JPH1: variants seen among roughly 807,000 people sequenced by gnomAD.
JPH1 encodes junctophilin-1.
In JPH1, 12 loss-of-function variants were observed where a neutral mutation model predicts 53.6. The observed-to-expected ratio is 0.22, with a 90% confidence interval of 0.14 to 0.36. The LOEUF (loss-of-function observed/expected upper bound fraction) is 0.36. JPH1 is among the 10% of genes least tolerant of loss of function. JPH1 has a pLI of 1.00. For synonymous variants in JPH1, 375 were observed against 363.8 expected (o/e 1.03, Z -0.35); for missense variants, 808 against 905.5 (o/e 0.89, Z 1.38).
rs762777925 is a variant in JPH1, at chr8:74,315,574, G to A, written c.426C>T (p.Gly142=). ...TGCCGTAGGGCACGCTCTGGCGCAC[G>A]CCGTAGCCATGCCGCATGCCTCCGG... ...QWAGGMRHGY[G]VRQSVPYGMA... is the part of the protein sequence containing the mutation. The change falls in exon 2 of 6, where the codon GGC becomes GGT. Residue 142 remains glycine (G), a synonymous_variant. Coordinates refer to ENST00000342232, the MANE Select transcript of JPH1 (RefSeq NM_020647.4). The surrounding 1 kb of genome is among the most constrained non-coding windows in gnomAD (Gnocchi z 6.3). The A allele has an allele frequency of 1.9e-5, 30 of 1,604,886 alleles. No homozygotes were observed. In the East Asian group the frequency reaches 2.7e-4, roughly 14 times the overall value.
Position 74,244,868 on chromosome 8 carries a change from C to A in JPH1, c.1566G>T (p.Glu522Asp), listed in dbSNP as rs1563392925. ...KPLMSKAPTK[E>D]AGAVVPQSKY... Reference sequence around the variant, plus strand: ...TGGACTGGGGCACAACCGCTCCTGCCTCCTTCGTGGGAGCCTTTGACATCA... The same window carrying A: ...TGGACTGGGGCACAACCGCTCCTGCATCCTTCGTGGGAGCCTTTGACATCA... The change falls in exon 4 of 6, where the codon GAG becomes GAT. Residue 522 changes from glutamate to aspartate, a missense_variant. Around this residue, in one of 2 missense-constraint regions of JPH1, gnomAD observed 756 missense variants for 811.9 expected, o/e 0.93. Coordinates refer to ENST00000342232, the MANE Select transcript of JPH1 (RefSeq NM_020647.4). 6.2e-7 allele frequency: 1 copy of A among 1,614,210 alleles called. No homozygotes were observed. The highest frequency in any genetic ancestry group is 8.5e-7 in the Non-Finnish European group (1 of 1,180,044).
At chr8:74,263,920 G>A (rs1439492507) in intron 2 of JPH1, among the ~76,000 whole-genome samples, 1 of 152,098 alleles carries the variant, frequency 6.6e-6, no homozygotes, top group Non-Finnish European at 1.5e-5. Flanking sequence ...CCCGTAAGAA[G>A]AAATCAGTCT....
intron 2 of JPH1, among the ~76,000 whole-genome samples, chr8:74,291,943 A>C (rs1409555910): frequency 6.6e-6 from 1 of 152,084 alleles, no homozygotes; most frequent in Non-Finnish European, 1.5e-5. Context: ...ACCAAACACC[A>C]CATGTTCTCA....
rs1049196120 is a variant in JPH1, at chr8:74,236,619, T to A, written c.*432A>T. 9 of 147,536 alleles carry A rather than the reference T, an allele frequency of 6.1e-5. No homozygotes were observed. The highest frequency in any genetic ancestry group is 2.3e-4 in the African/African-American group (9 of 39,720). 9.1% of individuals were successfully genotyped at this position (147,536 alleles called of 1,614,324 possible). A position where few individuals can be genotyped will look rare whatever the true frequency, so the allele number is the denominator to read the frequency against. ...TTTCCCCAGCTCCCTACTAAAAACG[T>A]CAGATGGTAAAATAGTAAGGCAGCT... On this transcript the variant is annotated 3_prime_UTR_variant, in exon 6 of 6. Coordinates refer to ENST00000342232, the MANE Select transcript of JPH1 (RefSeq NM_020647.4).
chr8:74,265,932 A>G (rs747521642), intron 2 of JPH1, among the ~76,000 whole-genome samples: 10 of 151,416 alleles, frequency 6.6e-5, no homozygotes, highest in Non-Finnish European at 1.0e-4. Context: ...CACACCCATA[A>G]GGATGGCTAC....
chr8:74,313,991 G>T (rs1240658869), intron 2 of JPH1, among the ~76,000 whole-genome samples: 1 of 151,964 alleles, frequency 6.6e-6, no homozygotes, highest in African/African-American at 2.4e-5. Flanking sequence ...GCTATTAATG[G>T]TAAAACTTCA....
chr8:74,278,946 AAGAC>A (rs1304278858), intron 2 of JPH1, among the ~76,000 whole-genome samples: 1 of 151,702 alleles, frequency 6.6e-6, no homozygotes, highest in Admixed American at 6.6e-5. Flanking sequence ...ATTATGAAGC[AAGAC>A]AGACACACAC....
chr8:74,302,937 T>C (rs1807723560), intron 2 of JPH1, among the ~76,000 whole-genome samples: 1 of 145,232 alleles, frequency 6.9e-6, no homozygotes, highest in Admixed American at 6.9e-5. Flanking sequence ...TGATATTTTG[T>C]TCCAGTAGGT....
At position 74,320,470 on chromosome 8, in the gene JPH1, C is replaced by G. The variant is rs1808281432; in HGVS notation, c.379+439G>C. On this transcript the variant is annotated intron_variant, in intron 1 of 5. Coordinates refer to ENST00000342232, the MANE Select transcript of JPH1 (RefSeq NM_020647.4). This position sits in a 1 kb window ranked among gnomAD's most constrained non-coding sequence, Gnocchi z 4.4. The stretch of plus-strand genomic sequence containing the variant: ...GGGAGCGGTCAGCACGGACCGCCAA[C>G]CTCACCCGCTCAGGGTGTTCGCTCT... Among the ~76,000 whole-genome samples, 1 of 152,198 alleles carries G rather than the reference C, an allele frequency of 6.6e-6. No homozygotes were observed. The highest frequency in any genetic ancestry group is 2.4e-5 in the African/African-American group (1 of 41,456).
intron 2 of JPH1, among the ~76,000 whole-genome samples, chr8:74,278,985 G>A (rs546249713): frequency 1.1e-4 from 14 of 125,688 alleles, no homozygotes; most frequent in East Asian, 4.4e-4. Context: ...ACACGCACAC[G>A]CGCGCACACA....
chr8:74,319,114 C>G (rs1808241883), intron 1 of JPH1, among the ~76,000 whole-genome samples: 1 of 151,630 alleles, frequency 6.6e-6, no homozygotes, highest in East Asian at 1.9e-4. Flanking sequence ...ATTCTGGAGA[C>G]TTATTTGGGT....
intron 4 of JPH1, among the ~76,000 whole-genome samples, chr8:74,237,564 C>T (rs1002825569): frequency 6.6e-6 from 1 of 152,184 alleles, no homozygotes; most frequent in Non-Finnish European, 1.5e-5. Flanking sequence ...CTTCATTCAC[C>T]TCAAAACAAT....
chr8:74,276,907 A>T (rs367790336), intron 2 of JPH1, among the ~76,000 whole-genome samples: 1 of 152,248 alleles, frequency 6.6e-6, no homozygotes, highest in South Asian at 2.1e-4. Context: ...ATTCTTGCAT[A>T]TAATGACCTT....
Position 74,244,757 on chromosome 8 carries a change from G to T in JPH1, c.1677C>A (p.Ala559=). 6.2e-7 allele frequency: 1 copy of T among 1,614,186 alleles called. No individual in the cohort carries two copies. Among genetic ancestry groups the T allele is most frequent in the Non-Finnish European group, 8.5e-7 (1 of 1,180,052 alleles). Residue 559 remains alanine (A), a synonymous_variant, in exon 4 of 6, where the codon GCC becomes GCA. Transcript: ENST00000342232. ...QYHGYYVKLN[A]PQHPPVDVED... Reference sequence around the variant, plus strand: ...CCACGTCTACTGGAGGGTGCTGGGGGGCGTTCAGCTTCACGTAGTAGCCGT... The same window carrying T: ...CCACGTCTACTGGAGGGTGCTGGGGTGCGTTCAGCTTCACGTAGTAGCCGT...
Position 74,272,169 on chromosome 8 carries a change from T to G in JPH1, c.1140-12666A>C, listed in dbSNP as rs188471383. Among the ~76,000 whole-genome samples, 18 of 152,292 alleles carry G rather than the reference T, an allele frequency of 1.2e-4. No homozygotes were observed. In the East Asian group the frequency reaches 3.5e-3, roughly 29 times the overall value. On this transcript the variant is annotated intron_variant, in intron 2 of 5. Coordinates refer to ENST00000342232, the MANE Select transcript of JPH1 (RefSeq NM_020647.4). ...CAACCCTGGCTGTCTCCCCTGAAAT[T>G]TTTTCATTGCTGTCCAAATCCTCAT...
intron 2 of JPH1, among the ~76,000 whole-genome samples, chr8:74,307,019 CT>C (rs1807857433): frequency 6.6e-6 from 1 of 152,008 alleles, no homozygotes; most frequent in African/African-American, 2.4e-5. Flanking sequence ...ATAAAATTGC[CT>C]GCTAACTTCA....
In JPH1 at chr8:74,321,423, G is replaced by A; in HGVS notation, c.-136C>T. ...CCCTGGGCAGCTCGCGCTGCCGCTC[G>A]GCTCCAGTCCGACGCCGCCCCCGTC... On this transcript the variant is annotated 5_prime_UTR_variant, in exon 1 of 6. Transcript: ENST00000342232. The surrounding 1 kb of genome is among the most constrained non-coding windows in gnomAD (Gnocchi z 4.3). The A allele has an allele frequency of 2.4e-6, 2 of 827,836 alleles. No homozygotes were observed. The highest frequency in any genetic ancestry group is 1.8e-5 in the African/African-American group (1 of 55,364). The allele number at this position is 827,836 out of a possible 1,614,324, so 51.3% of individuals were successfully genotyped here. A position where few individuals can be genotyped will look rare whatever the true frequency, so the allele number is the denominator to read the frequency against.
chr8:74,276,292 C>G (rs1476105241), intron 2 of JPH1, among the ~76,000 whole-genome samples: 1 of 152,082 alleles, frequency 6.6e-6, no homozygotes, highest in Non-Finnish European at 1.5e-5. Flanking sequence ...GGACCGTGCT[C>G]CACTCATCCT....
intron 2 of JPH1, among the ~76,000 whole-genome samples, chr8:74,290,470 A>G (rs1298741746): frequency 6.6e-6 from 1 of 152,132 alleles, no homozygotes; most frequent in African/African-American, 2.4e-5. Context: ...ACTGCTCAAC[A>G]AAATAAAAGA....
Sources: gnomAD v4.1 joint callset for allele counts (sites outside exome capture counted in the v4.1 genomes callset) on GRCh38, gnomAD v4.1.1 for gene constraint, gnomAD v4.1.1 regional missense constraint, Gnocchi (gnomAD v3.1) non-coding constraint, MANE v1.5 for transcripts, NCBI Gene and HGNC (gene_info 2026-07-23, HGNC 2026-07-21) for gene names.